Variants in IMMP2L observed in about 807,000 individuals in gnomAD.
IMMP2L encodes inner mitochondrial membrane peptidase subunit 2.
A neutral mutation model predicts 19.3 loss-of-function variants in IMMP2L; 18 were observed. The observed-to-expected ratio is 0.93, with a 90% confidence interval of 0.64 to 1.38. IMMP2L has a LOEUF of 1.38. IMMP2L is among the 40% of genes most tolerant of loss of function. IMMP2L has a pLI of 0.00. For synonymous variants in IMMP2L, 76 were observed against 73.0 expected (o/e 1.04, Z -0.21); for missense variants, 233 against 218.2 (o/e 1.07, Z -0.43).
intron 3 of IMMP2L, among the ~76,000 whole-genome samples, chr7:111,019,751 T>C (rs1343768391): frequency 6.6e-6 from 1 of 152,116 alleles, no homozygotes; most frequent in Non-Finnish European, 1.5e-5. Context: ...AAGGACCCAC[T>C]ACCAGGGGTT....
chr7:111,082,518 A>T (rs1432976152), intron 3 of IMMP2L, among the ~76,000 whole-genome samples: 1 of 152,202 alleles, frequency 6.6e-6, no homozygotes, highest in Non-Finnish European at 1.5e-5. Flanking sequence ...TTTGAGCACT[A>T]GACTTCAAAT....
rs532633162 is a variant in IMMP2L, at chr7:111,016,733, A to G, written c.240-53168T>C. On this transcript the variant is annotated intron_variant, in intron 3 of 5. Transcript: ENST00000405709. ...TTTTATATATATTTATATATAAAAT[A>G]TATATATTATATATATTATATAAAT... 7.5e-3 allele frequency among the ~76,000 whole-genome samples: 704 copies of G among 93,420 alleles called. 10 individuals are homozygous for G. Among genetic ancestry groups the G allele is most frequent in the African/African-American group, 0.031 (688 of 22,056 alleles). 61.3% of individuals were successfully genotyped at this position (93,420 alleles called of 152,430 possible). A position where few individuals can be genotyped will look rare whatever the true frequency, so the allele number is the denominator to read the frequency against.
chr7:111,088,350 G>C (rs1474523954), intron 3 of IMMP2L, among the ~76,000 whole-genome samples: 1 of 152,082 alleles, frequency 6.6e-6, no homozygotes. Flanking sequence ...AAACCCTGTA[G>C]ACATTTCCTA....
chr7:110,982,654 T>G (rs1563133242), intron 3 of IMMP2L, among the ~76,000 whole-genome samples: 1 of 152,138 alleles, frequency 6.6e-6, no homozygotes, highest in African/African-American at 2.4e-5. Flanking sequence ...ACAAGTATAC[T>G]TCGTGACCAC....
chr7:110,664,789 G>A (rs1791329298), intron 5 of IMMP2L: 1 of 152,072 alleles, frequency 6.6e-6, no homozygotes. Flanking sequence ...CTGAGTGCCG[G>A]TTATAAAGTA....
intron 5 of IMMP2L, among the ~76,000 whole-genome samples, chr7:110,834,524 A>G (rs1249147015): frequency 6.6e-6 from 1 of 152,278 alleles, no homozygotes; most frequent in South Asian, 2.1e-4. Context: ...CCCTGGAAGG[A>G]AGAAAGCTTT....
At chr7:111,434,310 A>C (rs1836915566) in intron 3 of IMMP2L, among the ~76,000 whole-genome samples, 1 of 151,824 alleles carries the variant, frequency 6.6e-6, no homozygotes, top group Non-Finnish European at 1.5e-5. Context: ...GGATTAGGCA[A>C]TGATTTTATG....
intron 3 of IMMP2L, among the ~76,000 whole-genome samples, chr7:111,184,748 C>T (rs1243255107): frequency 7.1e-6 from 1 of 139,926 alleles, no homozygotes; most frequent in Non-Finnish European, 1.6e-5. Flanking sequence ...CCATTCAGAA[C>T]TACCCATAGA....
At chr7:111,208,595 A>C (rs1810973139) in intron 3 of IMMP2L, among the ~76,000 whole-genome samples, 1 of 152,170 alleles carries the variant, frequency 6.6e-6, no homozygotes, top group Non-Finnish European at 1.5e-5. Context: ...CTAGAAAATT[A>C]TCTCCCTGGT....
chr7:111,206,579 T>TC (rs1810731466), intron 3 of IMMP2L, among the ~76,000 whole-genome samples: 1 of 152,136 alleles, frequency 6.6e-6, no homozygotes, highest in Non-Finnish European at 1.5e-5. Flanking sequence ...ACATACAATA[T>TC]ACAATGTATC....
chr7:111,521,497 A>G (rs772929822), intron 1 of IMMP2L, 48 bp from the exon 2 acceptor site: 3 of 1,533,044 alleles, frequency 2.0e-6, no homozygotes, highest in Middle Eastern at 1.7e-4. Context: ...AAGAAAGGTG[A>G]AAAACAAAGA....
At chr7:111,250,209 G>A (rs1419423191) in intron 3 of IMMP2L, among the ~76,000 whole-genome samples, 1 of 151,870 alleles carries the variant, frequency 6.6e-6, no homozygotes, top group African/African-American at 2.4e-5. Flanking sequence ...GAAAAGTGAA[G>A]GACCTCTTCA....
intron 5 of IMMP2L, among the ~76,000 whole-genome samples, chr7:110,775,940 T>C (rs1447131931): frequency 6.7e-6 from 1 of 149,730 alleles, no homozygotes; most frequent in Non-Finnish European, 1.5e-5. Context: ...AATACATGCA[T>C]AAAATAAGCA....
intron 3 of IMMP2L, among the ~76,000 whole-genome samples, chr7:111,130,493 T>C (rs1801742757): frequency 6.6e-6 from 1 of 152,106 alleles, no homozygotes. Flanking sequence ...CAGCTTCTCA[T>C]TAAAATATAT....
At chr7:111,521,056 C>A (rs896411579) in intron 2 of IMMP2L, among the ~76,000 whole-genome samples, 4 of 152,064 alleles carry the variant, frequency 2.6e-5, no homozygotes, top group Admixed American at 2.0e-4. Flanking sequence ...TCTTAAGAAT[C>A]TCCATTTAAA....
chr7:110,861,547 G>T (rs955234978), intron 5 of IMMP2L, among the ~76,000 whole-genome samples: 8 of 152,034 alleles, frequency 5.3e-5, no homozygotes, highest in African/African-American at 1.9e-4. Flanking sequence ...TTATAGGTGT[G>T]AGCCACCACA....
At position 110,757,314 on chromosome 7, in the gene IMMP2L, C is replaced by G. The variant is rs1037795996; in HGVS notation, c.409-93593G>C. On this transcript the variant is annotated intron_variant, in intron 5 of 5. Transcript: ENST00000405709. The surrounding 1 kb of genome is among the most constrained non-coding windows in gnomAD (Gnocchi z 4.2). Reference sequence around the variant, plus strand: ...TAATACTCACCATCACCATCTAGAGCTTAATAATTTTTTAACAAGCTATTC... The same window carrying G: ...TAATACTCACCATCACCATCTAGAGGTTAATAATTTTTTAACAAGCTATTC... Among the ~76,000 whole-genome samples the G allele has an allele frequency of 7.1e-4, 20 of 28,138 alleles. No individual in the cohort carries two copies. The highest frequency in any genetic ancestry group is 2.6e-3 in the Non-Finnish European group (18 of 6,946). 18.5% of individuals were successfully genotyped at this position (28,138 alleles called of 152,430 possible).
chr7:111,288,862 A>C (rs966192906), intron 3 of IMMP2L, among the ~76,000 whole-genome samples: 5 of 152,004 alleles, frequency 3.3e-5, no homozygotes, highest in Non-Finnish European at 5.9e-5. Flanking sequence ...CAGTGTGGCG[A>C]CTCCTCAAAG....
At chr7:110,746,665 C>A (rs1439221408) in intron 5 of IMMP2L, among the ~76,000 whole-genome samples, 1 of 152,164 alleles carries the variant, frequency 6.6e-6, no homozygotes, top group African/African-American at 2.4e-5. Flanking sequence ...GGGTACATAA[C>A]AAAATGAAGG....
Sources: allele counts gnomAD v4.1 joint callset (sites outside exome capture counted in the v4.1 genomes callset), GRCh38; gene constraint gnomAD v4.1.1; non-coding constraint Gnocchi (gnomAD v3.1); transcripts MANE v1.5; gene names NCBI Gene and HGNC (gene_info 2026-07-23, HGNC 2026-07-21).